Variants in LARP4 observed in about 807,000 individuals in gnomAD.
The protein encoded by LARP4 is La ribonucleoprotein 4, also known as la-related protein 4.
LARP4 carries 29 observed loss-of-function variants against 92.9 expected under a neutral mutation model. The ratio of observed to expected loss-of-function variants is 0.31; its 90% CI spans 0.23 to 0.43. The LOEUF is 0.43. LARP4 is among the 20% of genes least tolerant of loss of function. LARP4 has a pLI of 1.00. For missense variants in LARP4, 732 were observed against 860.0 expected (o/e 0.85, Z 1.86); for synonymous variants, 279 against 284.1 (o/e 0.98, Z 0.18).
chr12:50,438,724 G>A lies in LARP4; in HGVS notation c.639+886G>A, dbSNP rs756152789. On this transcript the variant is annotated intron_variant, in intron 6 of 15. Transcript: ENST00000398473. ...TTACTGATGAAATAACTGACAGTTA[G>A]GATGGTTACGTAGCTTGCTCAAGGA... 2.2e-3 allele frequency among the ~76,000 whole-genome samples: 339 copies of A among 152,274 alleles called. 5 individuals carry two copies. The highest frequency in any genetic ancestry group is 2.0e-3 in the Non-Finnish European group (135 of 68,034).
At chr12:50,429,438 T>G (rs1949304422) in intron 3 of LARP4, among the ~76,000 whole-genome samples, 1 of 151,592 alleles carries the variant, frequency 6.6e-6, no homozygotes. Flanking sequence ...GGTGAAACAC[T>G]GTCCTATACT....
intron 1 of LARP4, among the ~76,000 whole-genome samples, chr12:50,427,047 T>A (rs981086594): frequency 2.6e-5 from 4 of 152,092 alleles, no homozygotes; most frequent in Admixed American, 2.0e-4. Flanking sequence ...CTCAAGAGAT[T>A]ACCTTAAATG....
intron 4 of LARP4, among the ~76,000 whole-genome samples, chr12:50,434,619 T>G (rs1265779222): frequency 6.7e-6 from 1 of 149,018 alleles, no homozygotes; most frequent in Admixed American, 6.7e-5. Flanking sequence ...GTTGGCCAGG[T>G]TGGTCTTGAG....
At chr12:50,474,346 T>C (rs1473952564) in intron 15 of LARP4, among the ~76,000 whole-genome samples, 179 bp downstream of exon 15, 1 of 151,746 alleles carries the variant, frequency 6.6e-6, no homozygotes, top group East Asian at 1.9e-4. Flanking sequence ...AGTTTTAGGC[T>C]TTTTTTTGTT....
Position 50,461,051 on chromosome 12 carries a change from A to G in LARP4, c.1122-84A>G, listed in dbSNP as rs531955032. ...TTAATTTTTTGAAAACCCCAGTACA[A>G]CAGGAGCCAATTTTTTACCTAAGGA... is the stretch of plus-strand genomic sequence containing the variant. On this transcript the variant is annotated intron_variant, in intron 10 of 15. Coordinates refer to ENST00000398473, the MANE Select transcript of LARP4 (RefSeq NM_052879.5). 9.1e-6 allele frequency: 10 copies of G among 1,099,360 alleles called. No homozygotes were observed. In the East Asian group the frequency reaches 1.6e-4, roughly 18 times the overall value. 68.1% of individuals were successfully genotyped at this position (1,099,360 alleles called of 1,614,324 possible).
rs535138449 is a variant in LARP4, at chr12:50,412,994, C to T, written c.18+11966C>T. Among the ~76,000 whole-genome samples the T allele has an allele frequency of 1.8e-3, 271 of 152,110 alleles. 2 individuals carry two copies. The highest frequency in any genetic ancestry group is 6.1e-3 in the African/African-American group (252 of 41,486). On this transcript the variant is annotated intron_variant, in intron 1 of 15. Transcript: ENST00000398473. ...AATCCTAGCACTTTGGAGGCTGAGG[C>T]GGGCGGATCACGAGGTCAGGAGTTT...
chr12:50,401,313 T>C, intron 1 of LARP4: 1 of 468,190 alleles, frequency 2.1e-6, no homozygotes, highest in South Asian at 2.1e-5. Flanking sequence ...AAGTGTCCCA[T>C]ATGGACCTCC....
intron 10 of LARP4, among the ~76,000 whole-genome samples, chr12:50,460,392 A>G (rs1309771563): frequency 6.6e-6 from 1 of 152,098 alleles, no homozygotes; most frequent in Non-Finnish European, 1.5e-5. Context: ...CAGTTGTGCA[A>G]TCATAGCTCG....
chr12:50,425,481 C>G (rs1592944885), intron 1 of LARP4, among the ~76,000 whole-genome samples: 1 of 152,124 alleles, frequency 6.6e-6, no homozygotes, highest in African/African-American at 2.4e-5. Context: ...TTGAAAAATG[C>G]TTAATGTCAA....
intron 5 of LARP4, 21 bp downstream of exon 5, chr12:50,435,645 G>C (rs1008123131): frequency 6.5e-7 from 1 of 1,527,108 alleles, no homozygotes; most frequent in African/African-American, 1.4e-5. Flanking sequence ...ATACCTTTTA[G>C]CTTTTTTTTT....
chr12:50,435,195 G>C (rs1950232947), intron 4 of LARP4, among the ~76,000 whole-genome samples: 3 of 152,174 alleles, frequency 2.0e-5, no homozygotes, highest in Admixed American at 2.0e-4. Flanking sequence ...AGTGCTACTT[G>C]TAATATTAAA....
At chr12:50,411,135 T>TA (rs1389119543) in intron 1 of LARP4, among the ~76,000 whole-genome samples, 1 of 152,048 alleles carries the variant, frequency 6.6e-6, no homozygotes, top group Non-Finnish European at 1.5e-5. Flanking sequence ...GTAGAAACTC[T>TA]ACCCCTGAAT....
In LARP4 at chr12:50,450,827, G is replaced by T. The variant is rs552011397; in HGVS notation, c.805-2633G>T. Among the ~76,000 whole-genome samples, 27 of 151,816 alleles carry T rather than the reference G, an allele frequency of 1.8e-4. 1 individual carries two copies. Among genetic ancestry groups the T allele is most frequent in the Middle Eastern group, 3.4e-3 (1 of 294 alleles). The stretch of plus-strand genomic sequence containing the variant: ...CCTTGTCTCCTGTTAATTTTTTTTT[G>T]ACTTAATAGTGTATTCTGGAAGTCA... On this transcript the variant is annotated intron_variant, in intron 8 of 15. Coordinates refer to ENST00000398473, the MANE Select transcript of LARP4 (RefSeq NM_052879.5).
intron 3 of LARP4, 91 bp downstream of exon 3, chr12:50,429,181 G>T: frequency 1.2e-6 from 1 of 858,738 alleles, no homozygotes; most frequent in Non-Finnish European, 1.8e-6. Flanking sequence ...ATAAACCTAT[G>T]GCATTATTTT....
chr12:50,463,420 C>CACA (rs1955719101), intron 12 of LARP4, among the ~76,000 whole-genome samples: 1 of 87,638 alleles, frequency 1.1e-5, no homozygotes, highest in Admixed American at 1.1e-4. Flanking sequence ...CCCATCTCTC[C>CACA]AAAAAAAAAA....
Position 50,440,495 on chromosome 12 carries a change from T to C in LARP4, c.696T>C (p.Phe232=). ...ENCPKVISCE[F]AHNSNWYITF... The stretch of plus-strand genomic sequence containing the variant: ...GCCCCAAAGTGATAAGCTGTGAGTT[T>C]GCACACAATAGCAACTGGTATATCA... The change falls in exon 7 of 16, where the codon TTT becomes TTC. Residue 232 remains phenylalanine (F), a synonymous_variant. Transcript: ENST00000398473. 1 of 1,614,060 alleles carries C rather than the reference T, an allele frequency of 6.2e-7. No homozygotes were observed. The highest frequency in any genetic ancestry group is 8.5e-7 in the Non-Finnish European group (1 of 1,179,952).
intron 1 of LARP4, among the ~76,000 whole-genome samples, chr12:50,417,128 T>G (rs368765938): frequency 6.6e-6 from 1 of 151,492 alleles, no homozygotes; most frequent in Non-Finnish European, 1.5e-5. Context: ...TTGATACTTA[T>G]GCCAGGTATG....
intron 10 of LARP4, among the ~76,000 whole-genome samples, chr12:50,457,452 C>T (rs1490559145): frequency 6.6e-6 from 1 of 152,100 alleles, no homozygotes; most frequent in Non-Finnish European, 1.5e-5. Flanking sequence ...GGTGATCTAC[C>T]CGCCTTGGCC....
chr12:50,411,659 T>A (rs1167601603), intron 1 of LARP4, among the ~76,000 whole-genome samples: 1 of 151,350 alleles, frequency 6.6e-6, no homozygotes, highest in African/African-American at 2.4e-5. Context: ...TGGCGGCTAT[T>A]TTCTATATTC....
Sources: allele counts gnomAD v4.1 joint callset (sites outside exome capture counted in the v4.1 genomes callset), GRCh38; gene constraint gnomAD v4.1.1; transcripts MANE v1.5; gene names NCBI Gene and HGNC (gene_info 2026-07-23, HGNC 2026-07-21).